The following TRAPPC12 variants were observed in gnomAD, a reference collection of about 807,000 sequenced individuals.
The protein encoded by TRAPPC12 is trafficking protein particle complex subunit 12.
TRAPPC12 carries 61 observed loss-of-function variants against 69.2 expected under a neutral mutation model. The ratio of observed to expected loss-of-function variants is 0.88; its 90% confidence interval spans 0.72 to 1.09. The LOEUF (loss-of-function observed/expected upper bound fraction) is 1.09, where lower values mean the gene tolerates loss of function less well. Ranked by LOEUF, TRAPPC12 falls within the 50% of genes least tolerant of loss-of-function variation. TRAPPC12 has a pLI of 0.00. For missense variants in TRAPPC12, 1,101 were observed against 1,016.4 expected, an observed-to-expected ratio of 1.08 and a Z score of -1.13; for synonymous variants, 469 against 438.9, an observed-to-expected ratio of 1.07 and a Z score of -0.86.
intron 8 of TRAPPC12, chr2:3,461,072 C>T (rs1458402027): frequency 3.3e-5 from 5 of 152,284 alleles, no homozygotes; most frequent in Admixed American, 6.5e-5. Flanking sequence ...AAGACAGCGA[C>T]CTTAACTCCC....
chr2:3,400,654 T>C (rs1225467494), intron 2 of TRAPPC12, among the ~76,000 whole-genome samples: 3 of 152,164 alleles, frequency 2.0e-5, no homozygotes, highest in African/African-American at 4.8e-5. Flanking sequence ...AGCCTTTACT[T>C]ACCCTGGACT....
intron 9 of TRAPPC12, among the ~76,000 whole-genome samples, chr2:3,471,410 C>A (rs548951729): frequency 1.3e-5 from 2 of 152,332 alleles, no homozygotes; most frequent in South Asian, 2.1e-4. Flanking sequence ...TCCCTGCCAA[C>A]TGTCAGCGCA....
At chr2:3,422,045 G>A in intron 4 of TRAPPC12, 51 bp downstream of exon 4, 3 of 1,438,558 alleles carry the variant, frequency 2.1e-6, no homozygotes, top group Non-Finnish European at 2.9e-6. Context: ...TCACAGTCTG[G>A]GGACATGGAC....
At chr2:3,393,647 A>G (rs1020798982) in intron 2 of TRAPPC12, among the ~76,000 whole-genome samples, 3 of 151,700 alleles carry the variant, frequency 2.0e-5, no homozygotes, top group African/African-American at 7.3e-5. Context: ...TCAACTAAAT[A>G]TTCTAAAATT....
rs748286237 is a variant in TRAPPC12 at position 3,465,681 on chromosome 2, C to T, written c.1762C>T (p.Arg588Trp). 1.2e-5 allele frequency: 19 copies of T among 1,613,960 alleles called. No homozygotes were observed. Among genetic ancestry groups the T allele is most frequent in the Middle Eastern group, 1.6e-4 (1 of 6,062 alleles). ...GCCCCAGCTGCTCAGCGGCATCGGC[C>T]GGATTTCCCTGCAGGTACCTGTGCA... ...QEPQLLSGIGRISLQIGDIKT... is the reference protein window; with the variant it reads ...QEPQLLSGIGWISLQIGDIKT... The change falls in exon 9 of 12, where the codon CGG (arginine) becomes TGG (tryptophan). Residue 588 changes from arginine (R) to tryptophan (W), a missense_variant. Physicochemically the swap from Arg to Trp is moderately radical, Grantham distance 101. Transcript: ENST00000324266.
At chr2:3,396,451 C>T (rs746416683) in intron 2 of TRAPPC12, among the ~76,000 whole-genome samples, 4 of 152,016 alleles carry the variant, frequency 2.6e-5, no homozygotes, top group Admixed American at 1.3e-4. Context: ...TTATTTTGCT[C>T]GGCATTCATT....
intron 3 of TRAPPC12, among the ~76,000 whole-genome samples, chr2:3,415,486 A>G (rs915937643): frequency 2.6e-5 from 4 of 151,456 alleles, no homozygotes; most frequent in African/African-American, 9.7e-5. Flanking sequence ...GCTCACTGCA[A>G]CCTCTCTCCC....
At chr2:3,400,540 A>G (rs369712473) in intron 2 of TRAPPC12, among the ~76,000 whole-genome samples, 40 of 152,190 alleles carry the variant, frequency 2.6e-4, no homozygotes, top group Non-Finnish European at 5.1e-4. Flanking sequence ...CTCAGTCAGC[A>G]GCACCCCCAG....
At chr2:3,400,837 C>A (rs2103466889) in intron 2 of TRAPPC12, among the ~76,000 whole-genome samples, 1 of 152,336 alleles carries the variant, frequency 6.6e-6, no homozygotes, top group East Asian at 1.9e-4. Context: ...TGAAGGCTGG[C>A]TCGCCCAGCA....
chr2:3,392,963 T>G (rs1261983208), intron 2 of TRAPPC12, among the ~76,000 whole-genome samples: 1 of 152,026 alleles, frequency 6.6e-6, no homozygotes, highest in African/African-American at 2.4e-5. Flanking sequence ...ACAGAGAAAA[T>G]TTGGTATGTA....
chr2:3,397,593 C>T (rs971745826), intron 2 of TRAPPC12, among the ~76,000 whole-genome samples: 2 of 152,226 alleles, frequency 1.3e-5, no homozygotes, highest in East Asian at 3.8e-4. Flanking sequence ...TCCCTCCTTT[C>T]TAGATCTCTG....
chr2:3,392,181 C>T (rs1572087252), intron 2 of TRAPPC12, among the ~76,000 whole-genome samples: 1 of 152,124 alleles, frequency 6.6e-6, no homozygotes, highest in Non-Finnish European at 1.5e-5. Context: ...AACACCTGTT[C>T]CTCAAAAAAG....
Position 3,387,727 on chromosome 2 carries a change from C to T in TRAPPC12, c.104C>T (p.Thr35Ile), listed in dbSNP as rs773361001. Residue 35 changes from threonine to isoleucine, a missense_variant, in exon 2 of 12, where the codon ACC becomes ATC. Physicochemically the swap from Thr to Ile is moderately conservative, Grantham distance 89. Coordinates refer to ENST00000324266, the MANE Select transcript of TRAPPC12 (RefSeq NM_016030.6). Reference protein sequence around the residue: ...EEQGLLFQEETIDLGGDEFGS... With the variant: ...EEQGLLFQEEIIDLGGDEFGS... Reference sequence around the variant, plus strand: ...CAGGGGTTGCTCTTCCAGGAGGAAACCATCGATCTTGGCGGAGATGAGTTT... The same window carrying T: ...CAGGGGTTGCTCTTCCAGGAGGAAATCATCGATCTTGGCGGAGATGAGTTT... 6.2e-7 allele frequency: 1 copy of T among 1,605,446 alleles called. No homozygotes were observed. The highest frequency in any genetic ancestry group is 8.5e-7 in the Non-Finnish European group (1 of 1,175,938).
At chr2:3,448,699 G>GAGGGTTACT (rs1558391218) in intron 6 of TRAPPC12, among the ~76,000 whole-genome samples, 10 of 57,382 alleles carry the variant, frequency 1.7e-4, no homozygotes, top group African/African-American at 7.7e-4. Context: ...AGCCGGTTAC[G>GAGGGTTACT]CGAGGGTAGG....
chr2:3,456,806 T>C, intron 6 of TRAPPC12: 1 of 256,826 alleles, frequency 3.9e-6, no homozygotes, highest in South Asian at 3.8e-5. Context: ...CTCTAACTCC[T>C]GGGCTCAAGT....
At chr2:3,464,964 G>C (rs1028957374) in intron 8 of TRAPPC12, among the ~76,000 whole-genome samples, 6 of 152,230 alleles carry the variant, frequency 3.9e-5, no homozygotes, top group Non-Finnish European at 5.9e-5. Context: ...GATGCCCTGA[G>C]CACGGCAGCT....
intron 9 of TRAPPC12, among the ~76,000 whole-genome samples, chr2:3,466,662 C>A (rs1366310351): frequency 6.6e-6 from 1 of 152,174 alleles, no homozygotes; most frequent in East Asian, 1.9e-4. Context: ...ACGCCGCCTG[C>A]TTGTGGAAGT....
At chr2:3,401,702 T>C in intron 2 of TRAPPC12, 75 bp from the exon 3 acceptor site, 1 of 919,262 alleles carries the variant, frequency 1.1e-6, no homozygotes, top group Non-Finnish European at 1.6e-6. Flanking sequence ...AAATTGTGTT[T>C]AGTTATGGGT....
Position 3,387,868 on chromosome 2 carries a change from CG to C in TRAPPC12, c.248del (p.Gly83AlafsTer98), listed in dbSNP as rs1660572191. 6.3e-7 allele frequency: 1 copy of C among 1,593,182 alleles called. No homozygotes were observed. Among genetic ancestry groups the C allele is most frequent in the Non-Finnish European group, 8.6e-7 (1 of 1,166,536 alleles). Reference sequence around the variant, plus strand: ...GACTCCCCCAACAGCGAGGGCGACGCGGGCGACCTGGGCCGAGTGCGGGACG... The same window carrying C: ...GACTCCCCCAACAGCGAGGGCGACGCGGCGACCTGGGCCGAGTGCGGGACG... ...ISDSPNSEGD[A>X]GDLGRVRDEA... On this transcript the variant is annotated frameshift_variant, in exon 2 of 12. Transcript: ENST00000324266. LOFTEE classifies it high-confidence loss of function.
Sources: gnomAD v4.1 joint callset for allele counts (sites outside exome capture counted in the v4.1 genomes callset) on GRCh38, gnomAD v4.1.1 for gene constraint, MANE v1.5 for transcripts, NCBI Gene and HGNC (gene_info 2026-07-23, HGNC 2026-07-21) for gene names.